The following RBM44 variants were observed in gnomAD, a reference collection of about 807,000 sequenced individuals.
RBM44 encodes RNA-binding protein 44.
A neutral mutation model predicts 105.1 loss-of-function variants in RBM44; 66 were observed. The observed-to-expected ratio is 0.63, with a 90% CI of 0.52 to 0.77. RBM44 has a LOEUF of 0.77. Ranked by LOEUF, RBM44 falls within the 30% of genes least tolerant of loss-of-function variation. The pLI is 0.00. For missense variants in RBM44, 1,122 were observed against 1,207.8 expected, an observed-to-expected ratio of 0.93 and a Z score of 1.05; for synonymous variants, 365 against 417.6, an observed-to-expected ratio of 0.87 and a Z score of 1.54.
At chr2:237,823,160 C>T (rs1181829894) in intron 8 of RBM44, among the ~76,000 whole-genome samples, 1 of 151,534 alleles carries the variant, frequency 6.6e-6, no homozygotes, top group Non-Finnish European at 1.5e-5. Flanking sequence ...ATCTCGATTA[C>T]TTCTCATGTG....
At position 237,821,374 on chromosome 2, in the gene RBM44, T is replaced by A. The variant is rs1447118705; in HGVS notation, c.2120+6T>A. On this transcript the variant is annotated splice_donor_region_variant and intron_variant, in intron 7 of 15. Transcript: ENST00000316997. ...ATGAAAAAAGAAACACATGTGTGAG[T>A]TATGGTTTCATTTGATTTATAATTC... 3 of 1,548,812 alleles carry A rather than the reference T, an allele frequency of 1.9e-6. No homozygotes were observed. Among genetic ancestry groups the A allele is most frequent in the Non-Finnish European group, 2.6e-6 (3 of 1,143,218 alleles).
At chr2:237,819,684 A>T (rs2061762274) in intron 4 of RBM44, among the ~76,000 whole-genome samples, 1 of 152,030 alleles carries the variant, frequency 6.6e-6, no homozygotes. Flanking sequence ...AGTACAGCAA[A>T]ATATTTGCTT....
intron 1 of RBM44, among the ~76,000 whole-genome samples, chr2:237,809,237 G>A (rs980023531): frequency 4.6e-5 from 7 of 151,344 alleles, no homozygotes; most frequent in Admixed American, 4.6e-4. Context: ...CTTTTCTTTT[G>A]GTATATTACT....
chr2:237,812,403 C>T (rs745689276), intron 1 of RBM44, among the ~76,000 whole-genome samples: 24 of 151,984 alleles, frequency 1.6e-4, no homozygotes, highest in Non-Finnish European at 3.2e-4. Flanking sequence ...GACCATGTCC[C>T]GTAGATTTTG....
intron 1 of RBM44, among the ~76,000 whole-genome samples, chr2:237,802,216 T>C (rs2061552416): frequency 1.3e-5 from 2 of 152,214 alleles, no homozygotes; most frequent in East Asian, 3.8e-4. Flanking sequence ...CACCTTGTGT[T>C]TCTCAAAATA....
At position 237,817,730 on chromosome 2, in the gene RBM44, A is replaced by G; in HGVS notation, c.811A>G (p.Arg271Gly). The G allele has an allele frequency of 6.2e-7, 1 of 1,612,462 alleles. No individual in the cohort carries two copies. Among genetic ancestry groups the G allele is most frequent in the Non-Finnish European group, 8.5e-7 (1 of 1,179,180 alleles). ...CAAATTTCAGAATTCTGTTATGTTA[A>G]GAGAATATCATGACCTAAAGCATGA... ...VSKFQNSVMLREYHDLKHEKY... is the reference protein window; with the variant it reads ...VSKFQNSVMLGEYHDLKHEKY... Residue 271 changes from arginine to glycine, a missense_variant, in exon 3 of 16, where the codon AGA becomes GGA. Transcript: ENST00000316997.
intron 1 of RBM44, among the ~76,000 whole-genome samples, chr2:237,807,639 C>T (rs1358932484): frequency 6.6e-6 from 1 of 152,042 alleles, no homozygotes; most frequent in African/African-American, 2.4e-5. Context: ...CTTTTGACAG[C>T]CTTAGGGCAG....
At chr2:237,827,825 A>G (rs891827370) in intron 12 of RBM44, among the ~76,000 whole-genome samples, 2 of 152,180 alleles carry the variant, frequency 1.3e-5, no homozygotes, top group African/African-American at 2.4e-5. Context: ...CCAGAAATAG[A>G]TAACATCGGT....
chr2:237,807,256 C>T (rs2061608793), intron 1 of RBM44, among the ~76,000 whole-genome samples: 1 of 152,194 alleles, frequency 6.6e-6, no homozygotes, highest in Non-Finnish European at 1.5e-5. Context: ...TCAAGTGATT[C>T]TCCTGCCTCA....
chr2:237,831,014 A>AT (rs1208531384), intron 13 of RBM44, among the ~76,000 whole-genome samples: 3 of 151,596 alleles, frequency 2.0e-5, no homozygotes, highest in Non-Finnish European at 4.4e-5. Context: ...AATGTATCTG[A>AT]TTTTTTCCCT....
intron 1 of RBM44, among the ~76,000 whole-genome samples, chr2:237,812,630 T>C (rs536934138): frequency 3.9e-5 from 6 of 152,266 alleles, no homozygotes; most frequent in Non-Finnish European, 7.3e-5. Flanking sequence ...TCCTTTTTTT[T>C]CCCCAAATTC....
At chr2:237,837,138 A>G (rs553386530) in intron 15 of RBM44, among the ~76,000 whole-genome samples, 2 of 152,304 alleles carry the variant, frequency 1.3e-5, no homozygotes, top group Middle Eastern at 3.4e-3. Context: ...AAAAAAATAT[A>G]TTTCTTTCAA....
At chr2:237,835,450 T>C (rs1162411328) in intron 15 of RBM44, among the ~76,000 whole-genome samples, 1 of 152,188 alleles carries the variant, frequency 6.6e-6, no homozygotes, top group Non-Finnish European at 1.5e-5. Flanking sequence ...ACTGGGCCTT[T>C]TGTACCAGTT....
intron 15 of RBM44, among the ~76,000 whole-genome samples, chr2:237,835,479 C>T (rs62196143): frequency 0.13 from 19,726 of 152,162 alleles, 1,677 homozygotes; most frequent in East Asian, 0.41. Flanking sequence ...GGTTCATTGT[C>T]GTGAAGCCAA....
intron 1 of RBM44, among the ~76,000 whole-genome samples, chr2:237,807,894 G>A (rs1256164322): frequency 1.3e-5 from 2 of 152,168 alleles, no homozygotes; most frequent in Non-Finnish European, 2.9e-5. Context: ...AGTTCTCTCT[G>A]AGGGACAATA....
intron 15 of RBM44, among the ~76,000 whole-genome samples, chr2:237,840,543 C>T (rs1159221337): frequency 6.6e-6 from 1 of 151,930 alleles, no homozygotes; most frequent in Non-Finnish European, 1.5e-5. Flanking sequence ...ATGAAGATGC[C>T]AAAAGCAATT....
intron 13 of RBM44, among the ~76,000 whole-genome samples, chr2:237,832,967 G>C (rs2061917832): frequency 6.6e-6 from 1 of 152,178 alleles, no homozygotes; most frequent in Non-Finnish European, 1.5e-5. Flanking sequence ...TTAGAACGGT[G>C]CCTACCATGG....
intron 15 of RBM44, among the ~76,000 whole-genome samples, chr2:237,835,296 A>T: frequency 6.6e-6 from 1 of 152,188 alleles, no homozygotes; most frequent in East Asian, 1.9e-4. Context: ...GCCAACTGAT[A>T]ATCCTACAAT....
At chr2:237,800,462 T>TA (rs910415907) in intron 1 of RBM44, among the ~76,000 whole-genome samples, 4 of 152,230 alleles carry the variant, frequency 2.6e-5, no homozygotes, top group African/African-American at 7.2e-5. Context: ...TATTTAAGAA[T>TA]GAAGCTTGCA....
Sources: gnomAD v4.1 joint callset for allele counts (sites outside exome capture counted in the v4.1 genomes callset) on GRCh38, gnomAD v4.1.1 for gene constraint, MANE v1.5 for transcripts, NCBI Gene and HGNC (gene_info 2026-07-23, HGNC 2026-07-21) for gene names.